Variants in SLC52A3 observed in about 807,000 individuals in gnomAD.
SLC52A3 encodes the protein solute carrier family 52, riboflavin transporter, member 3.
SLC52A3 carries 20 observed loss-of-function variants against 29.5 expected under a neutral mutation model. The observed-to-expected ratio is 0.68, with a 90% CI of 0.48 to 0.99. The LOEUF is 0.99. Ranked by LOEUF, SLC52A3 falls within the 50% of genes least tolerant of loss-of-function variation. SLC52A3 has a pLI of 0.00. For synonymous variants in SLC52A3, 301 were observed against 271.0 expected, an observed-to-expected ratio of 1.11 and a Z score of -1.09; for missense variants, 548 against 612.9, an observed-to-expected ratio of 0.89 and a Z score of 1.12.
upstream of SLC52A3, among the ~76,000 whole-genome samples, chr20:770,160 T>G (rs533247998): frequency 5.3e-5 from 8 of 151,994 alleles, no homozygotes; most frequent in Non-Finnish European, 7.4e-5. The surrounding 1 kb of genome is among the most constrained non-coding windows in gnomAD (Gnocchi z 4.5). Flanking sequence ...CTGCTGTTTT[T>G]TTTTTTTTTC....
chr20:771,159 C>T (rs1254681282), upstream of SLC52A3, among the ~76,000 whole-genome samples: 1 of 152,222 alleles, frequency 6.6e-6, no homozygotes, highest in African/African-American at 2.4e-5. Context: ...GTGGCTCACT[C>T]GTATAATTCC....
chr20:769,988 C>CA (rs1289488620), upstream of SLC52A3, among the ~76,000 whole-genome samples: 2 of 152,182 alleles, frequency 1.3e-5, no homozygotes, highest in Non-Finnish European at 2.9e-5. Context: ...TTTGTAGCTG[C>CA]ACATGGCCAT....
upstream of SLC52A3, among the ~76,000 whole-genome samples, chr20:779,997 G>T (rs967279208): frequency 2.0e-5 from 3 of 152,272 alleles, no homozygotes; most frequent in Admixed American, 2.0e-4. Context: ...CTCAGAAAGG[G>T]CATTCTTTGC....
intron 1 of SLC52A3, among the ~76,000 whole-genome samples, chr20:766,779 C>T (rs1986700369): frequency 1.3e-5 from 2 of 152,324 alleles, no homozygotes; most frequent in South Asian, 4.1e-4. Context: ...GGTCTCTTCA[C>T]ATGGACGCGC....
chr20:770,599 A>G (rs900943112), upstream of SLC52A3, among the ~76,000 whole-genome samples: 6 of 152,266 alleles, frequency 3.9e-5, no homozygotes, highest in African/African-American at 1.4e-4. This position sits in a 1 kb window ranked among gnomAD's most constrained non-coding sequence, Gnocchi z 4.5. Context: ...ACTGTTCAAG[A>G]ACAATGTTAA....
At chr20:775,610 G>A (rs998499737) in intron 1 of SLC52A3, among the ~76,000 whole-genome samples, 2 of 152,138 alleles carry the variant, frequency 1.3e-5, no homozygotes, top group South Asian at 2.1e-4. Context: ...GGAGGCACCA[G>A]GGGTCTGGAA....
At chr20:777,101 T>C (rs1013054103), upstream of SLC52A3, among the ~76,000 whole-genome samples, 5 of 152,066 alleles carry the variant, frequency 3.3e-5, no homozygotes, top group African/African-American at 4.8e-5. Context: ...CCGGGCATGA[T>C]GGCGGACACC....
chr20:763,673 G>T lies in SLC52A3; in HGVS notation c.898C>A (p.Leu300Met). 1 of 1,614,212 alleles carries T rather than the reference G, an allele frequency of 6.2e-7. No individual in the cohort carries two copies. Among genetic ancestry groups the T allele is most frequent in the Non-Finnish European group, 8.5e-7 (1 of 1,180,022 alleles). Residue 300 changes from leucine to methionine, a missense_variant, in exon 3 of 5, where the codon CTG (leucine) becomes ATG (methionine). Coordinates refer to ENST00000645534, the MANE Select transcript of SLC52A3 (RefSeq NM_033409.4). Reference sequence around the variant, plus strand: ...GCCACCAGGGTATAGATGAAGGCCAGGTGCGCCGGGCAGCAGGGGGCTGCT... The same window carrying T: ...GCCACCAGGGTATAGATGAAGGCCATGTGCGCCGGGCAGCAGGGGGCTGCT... ...EKAAPCCPAHLAFIYTLVAFV... is the reference protein window; with the variant it reads ...EKAAPCCPAHMAFIYTLVAFV...
Position 763,500 on chromosome 20 carries a change from G to A in SLC52A3, c.1071C>T (p.Asn357=). The change falls in exon 3 of 5, where the codon AAC becomes AAT. Residue 357 remains asparagine, a splice_region_variant and synonymous_variant. Transcript: ENST00000645534. Reference sequence around the variant, plus strand: ...CCTAGGACCAGATGAGGGCACACCTGTTAGGCAGGAACATGGAGACCAACG... The same window carrying A: ...CCTAGGACCAGATGAGGGCACACCTATTAGGCAGGAACATGGAGACCAACG... The part of the protein sequence containing the change: ...LASLVSMFLP[N]RSLLFLGVLS... 1 of 1,614,010 alleles carries A rather than the reference G, an allele frequency of 6.2e-7. No individual in the cohort carries two copies.
chr20:761,465 G>T, intron 4 of SLC52A3: 1 of 736,856 alleles, frequency 1.4e-6, no homozygotes, highest in Non-Finnish European at 2.2e-6. Flanking sequence ...ATCAGGGCAA[G>T]GGCCCTTGAG....
upstream of SLC52A3, among the ~76,000 whole-genome samples, chr20:769,263 G>C (rs749168699): frequency 1.4e-4 from 22 of 152,160 alleles, no homozygotes; most frequent in Non-Finnish European, 2.9e-4. Flanking sequence ...AGCATTTCTG[G>C]CTTCTCAGGA....
chr20:761,625 G>T (rs1419936601), intron 4 of SLC52A3, 76 bp downstream of exon 4: 2 of 1,592,566 alleles, frequency 1.3e-6, no homozygotes, highest in Non-Finnish European at 1.7e-6. Context: ...GGAAAGGGCC[G>T]CGCCCAAGCT....
At chr20:761,272 C>CG (rs1352738704) in intron 4 of SLC52A3, 34 bp from the exon 5 acceptor site, 14 of 1,524,876 alleles carry the variant, frequency 9.2e-6, no homozygotes, top group South Asian at 2.4e-5. Flanking sequence ...TGCAGAGTCA[C>CG]GGGGCTTGCG....
chr20:764,277 C>T (rs990429626), intron 2 of SLC52A3, among the ~76,000 whole-genome samples: 5 of 152,188 alleles, frequency 3.3e-5, no homozygotes, highest in Admixed American at 1.3e-4. Flanking sequence ...CAGAATGCTT[C>T]GTCCCTTACC....
upstream of SLC52A3, among the ~76,000 whole-genome samples, chr20:769,438 G>A (rs1349037645): frequency 1.3e-5 from 2 of 152,318 alleles, no homozygotes; most frequent in South Asian, 2.1e-4. Context: ...CTGTGCTTCA[G>A]AGTCTTCTCT....
upstream of SLC52A3, among the ~76,000 whole-genome samples, chr20:771,463 C>G (rs922878822): frequency 3.9e-5 from 6 of 152,020 alleles, no homozygotes; most frequent in Admixed American, 1.3e-4. Flanking sequence ...AAAAACTACT[C>G]CATACTAAGT....
upstream of SLC52A3, among the ~76,000 whole-genome samples, chr20:772,917 G>A (rs1599966333): frequency 6.6e-6 from 1 of 152,168 alleles, no homozygotes; most frequent in South Asian, 2.1e-4. Context: ...AAAGGCCCTG[G>A]GGTGCGGCCA....
intron 1 of SLC52A3, among the ~76,000 whole-genome samples, chr20:767,905 C>G (rs564810471): frequency 4.6e-5 from 7 of 152,190 alleles, no homozygotes; most frequent in Non-Finnish European, 7.3e-5. Context: ...TTTCTTCTAT[C>G]TATCCTTAGT....
chr20:760,788 G>C lies in SLC52A3; in HGVS notation c.*238C>G. On this transcript the variant is annotated 3_prime_UTR_variant, in exon 5 of 5. Coordinates refer to ENST00000645534, the MANE Select transcript of SLC52A3 (RefSeq NM_033409.4). The surrounding 1 kb of genome is among the most constrained non-coding windows in gnomAD (Gnocchi z 4.9). ...AGATGCTGCAAATCAGTCCTCTCTTGAGAGTCAAAGCAAAGGAGATCTGAG... is the reference window on the plus strand; with the variant it reads ...AGATGCTGCAAATCAGTCCTCTCTTCAGAGTCAAAGCAAAGGAGATCTGAG... 1.7e-6 allele frequency: 1 copy of C among 577,568 alleles called. No homozygotes were observed. 35.8% of individuals were successfully genotyped at this position (577,568 alleles called of 1,614,324 possible). A position where few individuals can be genotyped will look rare whatever the true frequency, so the allele number is the denominator to read the frequency against.
Sources: allele counts gnomAD v4.1 joint callset (sites outside exome capture counted in the v4.1 genomes callset), GRCh38; gene constraint gnomAD v4.1.1; non-coding constraint Gnocchi (gnomAD v3.1); transcripts MANE v1.5; gene names NCBI Gene and HGNC (gene_info 2026-07-23, HGNC 2026-07-21).